The following RIMS2 variants were observed in gnomAD, a reference collection of about 807,000 sequenced individuals.
The protein encoded by RIMS2 is regulating synaptic membrane exocytosis protein 2.
RIMS2 carries 59 observed loss-of-function variants against 174.4 expected under a neutral mutation model. The observed-to-expected ratio is 0.34, with a 90% CI of 0.27 to 0.42. RIMS2 has a LOEUF of 0.42. Among genes scored for constraint, RIMS2 ranks in the 10% least tolerant of loss-of-function variants. The probability of loss-of-function intolerance (pLI) is 1.00; values close to 1 mark genes in which losing one functional copy is unlikely to be tolerated. For synonymous variants in RIMS2, 606 were observed against 572.5 expected (o/e 1.06, Z -0.84); for missense variants, 1,620 against 1,666.3 (o/e 0.97, Z 0.48).
intron 3 of RIMS2, among the ~76,000 whole-genome samples, chr8:103,794,084 T>C (rs925693613): frequency 2.6e-5 from 4 of 151,934 alleles, no homozygotes; most frequent in Non-Finnish European, 5.9e-5. Flanking sequence ...AAAAACTATG[T>C]TAAACTTCAT....
At chr8:103,569,303 T>C (rs1401714461) in intron 1 of RIMS2, among the ~76,000 whole-genome samples, 1 of 152,212 alleles carries the variant, frequency 6.6e-6, no homozygotes, top group African/African-American at 2.4e-5. Flanking sequence ...CTTTCTCTAC[T>C]GAATAGCCTT....
chr8:103,773,956 A>G (rs2098281849), intron 3 of RIMS2, among the ~76,000 whole-genome samples: 1 of 152,138 alleles, frequency 6.6e-6, no homozygotes, highest in South Asian at 2.1e-4. Flanking sequence ...AGCTTGGCCA[A>G]TATGGTGAAA....
At chr8:104,006,641 TC>T (rs2095591113) in intron 17 of RIMS2, among the ~76,000 whole-genome samples, 3 of 104,684 alleles carry the variant, frequency 2.9e-5, no homozygotes, top group African/African-American at 9.0e-5. Context: ...TCTCTCTCTC[TC>T]TCTCTCTCTC....
chr8:103,687,445 G>A (rs936341422), intron 1 of RIMS2, among the ~76,000 whole-genome samples: 2 of 151,420 alleles, frequency 1.3e-5, no homozygotes, highest in African/African-American at 2.4e-5. Flanking sequence ...TACACAACAT[G>A]ATGTTTTGAA....
At chr8:103,618,769 G>A (rs1197125046) in intron 1 of RIMS2, among the ~76,000 whole-genome samples, 1 of 152,050 alleles carries the variant, frequency 6.6e-6, no homozygotes, top group Admixed American at 6.6e-5. Flanking sequence ...CTTCCCAGCT[G>A]GGGGACTACT....
Position 103,729,800 on chromosome 8 carries a change from G to A in RIMS2, c.387+32504G>A, listed in dbSNP as rs545398746. On this transcript the variant is annotated intron_variant, in intron 2 of 23. Transcript: ENST00000504942. ...AGTTTCCTTCATAATTTGTTCATTGGCCTACAAGTCACTCAGGAGCATTAT... is the reference window on the plus strand; with the variant it reads ...AGTTTCCTTCATAATTTGTTCATTGACCTACAAGTCACTCAGGAGCATTAT... Among the ~76,000 whole-genome samples the A allele has an allele frequency of 5.9e-5, 9 of 152,088 alleles. No individual in the cohort carries two copies. The South Asian group carries it at 1.9e-3, about 32-fold the overall frequency.
At chr8:104,151,577 C>T (rs978409663) in intron 19 of RIMS2, among the ~76,000 whole-genome samples, 1 of 105,380 alleles carries the variant, frequency 9.5e-6, no homozygotes, top group Non-Finnish European at 2.2e-5. Context: ...TGCACTCCCC[C>T]AACTCCAGAA....
intron 1 of RIMS2, among the ~76,000 whole-genome samples, chr8:103,686,598 TA>T (rs2096942821): frequency 6.6e-6 from 1 of 152,210 alleles, no homozygotes. Flanking sequence ...TGCTTGAATT[TA>T]AAATGTGGTT....
chr8:104,256,068 C>G (rs2099366969), downstream of RIMS2: 1 of 152,216 alleles, frequency 6.6e-6, no homozygotes, highest in Admixed American at 6.5e-5. Flanking sequence ...TGACACATAG[C>G]TGCTCAATAA....
chr8:103,591,035 T>C, intron 1 of RIMS2, among the ~76,000 whole-genome samples: 1 of 150,818 alleles, frequency 6.6e-6, no homozygotes, highest in Non-Finnish European at 1.5e-5. Flanking sequence ...TGGGAGTATT[T>C]TATACTCCCA....
rs13279952 is a variant in RIMS2 at position 103,655,144 on chromosome 8, C to T, written c.177-41942C>T. On this transcript the variant is annotated intron_variant, in intron 1 of 23. Transcript: ENST00000504942. ...ACTGTATATTCAACTTTGACTTTTC[C>T]TGAGATTTGAGGCATAGAAAATTGA... 2.0e-5 allele frequency among the ~76,000 whole-genome samples: 3 copies of T among 151,694 alleles called. No homozygotes were observed. The East Asian group carries it at 5.8e-4, about 29-fold the overall frequency.
At chr8:103,697,685 G>A (rs961626813) in intron 2 of RIMS2, among the ~76,000 whole-genome samples, 14 of 152,114 alleles carry the variant, frequency 9.2e-5, no homozygotes, top group African/African-American at 3.1e-4. Context: ...CCATGATTGT[G>A]CCACTGCACT....
intron 1 of RIMS2, among the ~76,000 whole-genome samples, chr8:103,601,052 A>G: frequency 6.6e-6 from 1 of 151,976 alleles, no homozygotes. Flanking sequence ...TTTTTAATGG[A>G]TTATTAGATT....
At chr8:103,624,752 C>T (rs576295953) in intron 1 of RIMS2, among the ~76,000 whole-genome samples, 1 of 152,194 alleles carries the variant, frequency 6.6e-6, no homozygotes, top group South Asian at 2.1e-4. Flanking sequence ...TCATTTAATC[C>T]TCTTACCTCT....
chr8:103,953,125 G>A (rs1163756906), intron 14 of RIMS2, among the ~76,000 whole-genome samples: 1 of 152,206 alleles, frequency 6.6e-6, no homozygotes, highest in Non-Finnish European at 1.5e-5. Flanking sequence ...ATCTATGTTT[G>A]ATTGGTGTAC....
intron 1 of RIMS2, among the ~76,000 whole-genome samples, chr8:103,633,192 A>ATTTTTTTTTT (rs150376641): frequency 3.0e-5 from 4 of 134,928 alleles, no homozygotes; most frequent in Non-Finnish European, 4.7e-5. Context: ...ACGCCCGGCT[A>ATTTTTTTTTT]TTTTTTTTTT....
intron 1 of RIMS2, among the ~76,000 whole-genome samples, chr8:103,570,498 CT>C (rs1475070932): frequency 1.9e-4 from 29 of 152,032 alleles, no homozygotes; most frequent in Admixed American, 1.0e-3. Context: ...CTTCTCTAAA[CT>C]TTTCCAGGAA....
intron 1 of RIMS2, among the ~76,000 whole-genome samples, chr8:103,608,965 G>T (rs145594680): frequency 2.0e-5 from 3 of 152,182 alleles, no homozygotes; most frequent in Non-Finnish European, 4.4e-5. Context: ...CGTTGCTCAC[G>T]CTGGGAGCTG....
intron 19 of RIMS2, among the ~76,000 whole-genome samples, chr8:104,019,269 A>G (rs1185182452): frequency 2.6e-5 from 4 of 152,200 alleles, no homozygotes; most frequent in South Asian, 2.1e-4. Flanking sequence ...AATTTTCACT[A>G]TTTTTATTTG....
Sources: allele counts gnomAD v4.1 joint callset (sites outside exome capture counted in the v4.1 genomes callset), GRCh38; gene constraint gnomAD v4.1.1; transcripts MANE v1.5; gene names NCBI Gene and HGNC (gene_info 2026-07-23, HGNC 2026-07-21).